The following KCNIP4 variants were observed in gnomAD, a reference collection of about 807,000 sequenced individuals.
KCNIP4 encodes the protein potassium voltage-gated channel interacting protein 4.
A neutral mutation model predicts 34.0 loss-of-function variants in KCNIP4; 12 were observed. That is an observed-to-expected ratio of 0.35 (90% CI 0.23 to 0.57). The LOEUF (loss-of-function observed/expected upper bound fraction) is 0.57. KCNIP4 is among the 20% of genes least tolerant of loss of function. KCNIP4 has a pLI of 0.83. For synonymous variants in KCNIP4, 124 were observed against 102.2 expected, an observed-to-expected ratio of 1.21 and a Z score of -1.29; for missense variants, 238 against 311.7, an observed-to-expected ratio of 0.76 and a Z score of 1.78.
In KCNIP4 at chr4:21,211,204, C is replaced by T. The variant is rs552154511; in HGVS notation, c.62-328495G>A. On this transcript the variant is annotated intron_variant, in intron 1 of 8. Transcript: ENST00000382152. ...AAGTAGTTTGTACTCATAAGGTGCT[C>T]TAGAAATGTAAGTTATTATTTCTCC... Among the ~76,000 whole-genome samples, 11 of 152,248 alleles carry T rather than the reference C, an allele frequency of 7.2e-5. No homozygotes were observed. In the East Asian group the frequency reaches 2.1e-3, roughly 29 times the overall value.
At chr4:21,230,170 G>C (rs1423773879) in intron 1 of KCNIP4, among the ~76,000 whole-genome samples, 1 of 152,026 alleles carries the variant, frequency 6.6e-6, no homozygotes, top group Non-Finnish European at 1.5e-5. Flanking sequence ...GCGGAAACTG[G>C]AGGGATGCAG....
At chr4:21,045,591 C>T (rs954710600) in intron 1 of KCNIP4, among the ~76,000 whole-genome samples, 2 of 152,164 alleles carry the variant, frequency 1.3e-5, no homozygotes, top group Non-Finnish European at 2.9e-5. Context: ...ATGCTACTTT[C>T]CTCTTGATCC....
intron 1 of KCNIP4, among the ~76,000 whole-genome samples, chr4:20,948,134 C>A (rs1044244801): frequency 1.3e-5 from 2 of 152,196 alleles, no homozygotes; most frequent in Non-Finnish European, 2.9e-5. Context: ...CCAGAAGCAG[C>A]AGACCATTGA....
At chr4:21,129,691 A>G (rs79044008) in intron 1 of KCNIP4, among the ~76,000 whole-genome samples, 4,382 of 152,298 alleles carry the variant, frequency 0.029, 211 homozygotes, top group African/African-American at 0.098. Context: ...GAGTGAATTT[A>G]CGAAAGTTCT....
intron 1 of KCNIP4, among the ~76,000 whole-genome samples, chr4:21,717,016 C>G (rs1379861396): frequency 6.6e-6 from 1 of 152,158 alleles, no homozygotes; most frequent in Non-Finnish European, 1.5e-5. Context: ...ATTTCCCCAT[C>G]TGATGGGTTT....
intron 1 of KCNIP4, among the ~76,000 whole-genome samples, chr4:21,699,697 C>T (rs1712674363): frequency 6.6e-6 from 1 of 152,114 alleles, no homozygotes; most frequent in African/African-American, 2.4e-5. Context: ...CATGCTGAGC[C>T]AGGAGAGACT....
rs191402047 is a variant in KCNIP4, at chr4:21,499,538, A to C, written c.61+449033T>G. Among the ~76,000 whole-genome samples, 4 of 151,846 alleles carry C rather than the reference A, an allele frequency of 2.6e-5. No individual in the cohort carries two copies. The East Asian group carries it at 7.7e-4, about 29-fold the overall frequency. On this transcript the variant is annotated intron_variant, in intron 1 of 8. Coordinates refer to ENST00000382152, the MANE Select transcript of KCNIP4 (RefSeq NM_025221.6). ...TTTAAGTATAAAACAAATCACTCAG[A>C]AAAAAACTGGAATAAAATACTTTCT...
chr4:21,662,438 A>G (rs966829713), intron 1 of KCNIP4, among the ~76,000 whole-genome samples: 26 of 152,368 alleles, frequency 1.7e-4, no homozygotes, highest in African/African-American at 5.0e-4. Context: ...ATGGGCTACC[A>G]TAACATCTGC....
intron 1 of KCNIP4, among the ~76,000 whole-genome samples, chr4:21,230,716 G>A (rs1758729390): frequency 6.6e-6 from 1 of 152,104 alleles, no homozygotes; most frequent in Non-Finnish European, 1.5e-5. Flanking sequence ...TGGCTGCATA[G>A]TATTCCATGC....
At chr4:21,294,836 T>TG (rs1763745266) in intron 1 of KCNIP4, among the ~76,000 whole-genome samples, 1 of 152,164 alleles carries the variant, frequency 6.6e-6, no homozygotes, top group Non-Finnish European at 1.5e-5. Context: ...AATGTATCAT[T>TG]CACATCTCAA....
chr4:21,512,185 G>A (rs1326365458), intron 1 of KCNIP4, among the ~76,000 whole-genome samples: 3 of 135,620 alleles, frequency 2.2e-5, no homozygotes, highest in South Asian at 4.5e-4. Flanking sequence ...AGGAAGGAAC[G>A]AACGAAGGAA....
chr4:20,731,182 G>C (rs1748065288), intron 8 of KCNIP4: 2 of 154,290 alleles, frequency 1.3e-5, no homozygotes, highest in Non-Finnish European at 1.4e-5. Flanking sequence ...TGATCTTCCT[G>C]CCTCAGCCTC....
At chr4:21,601,184 C>A (rs1318603922) in intron 1 of KCNIP4, among the ~76,000 whole-genome samples, 2 of 151,924 alleles carry the variant, frequency 1.3e-5, no homozygotes, top group Admixed American at 1.3e-4. Flanking sequence ...CACATTGCTG[C>A]AGTCCAAACT....
intron 1 of KCNIP4, among the ~76,000 whole-genome samples, chr4:21,947,991 A>G (rs1730598109): frequency 6.6e-6 from 1 of 152,310 alleles, no homozygotes; most frequent in South Asian, 2.1e-4. Context: ...ACTGTATATA[A>G]ATTATTTGCA....
chr4:21,145,565 C>T (rs1752288454), intron 1 of KCNIP4, among the ~76,000 whole-genome samples: 1 of 152,206 alleles, frequency 6.6e-6, no homozygotes, highest in Non-Finnish European at 1.5e-5. Flanking sequence ...CAGAGTGCAA[C>T]AGAGTCCTCC....
intron 1 of KCNIP4, among the ~76,000 whole-genome samples, chr4:21,511,977 A>G (rs1467141920): frequency 6.6e-6 from 1 of 151,968 alleles, no homozygotes. Context: ...GTAAAAGAGA[A>G]AGAAAAAAAG....
At chr4:20,920,914 G>A (rs937408542) in intron 1 of KCNIP4, among the ~76,000 whole-genome samples, 5 of 152,018 alleles carry the variant, frequency 3.3e-5, no homozygotes, top group South Asian at 2.1e-4. Flanking sequence ...GCTTGAACCC[G>A]GGAGGTGGAG....
At chr4:21,135,221 A>G (rs1290953830) in intron 1 of KCNIP4, among the ~76,000 whole-genome samples, 2 of 152,166 alleles carry the variant, frequency 1.3e-5, no homozygotes, top group Non-Finnish European at 1.5e-5. Flanking sequence ...TATTCTCTTC[A>G]ATTAAGATGA....
intron 1 of KCNIP4, among the ~76,000 whole-genome samples, chr4:21,591,049 G>C (rs984232039): frequency 6.6e-6 from 1 of 151,792 alleles, no homozygotes; most frequent in African/African-American, 2.4e-5. Context: ...TTTGAAAAAT[G>C]TCTTATATAA....
Sources: allele counts gnomAD v4.1 joint callset (sites outside exome capture counted in the v4.1 genomes callset), GRCh38; gene constraint gnomAD v4.1.1; transcripts MANE v1.5; gene names NCBI Gene and HGNC (gene_info 2026-07-23, HGNC 2026-07-21).